The following NRDC variants were observed in gnomAD, a reference collection of about 807,000 sequenced individuals.
NRDC encodes nardilysin convertase.
Under a neutral mutation model 147.1 loss-of-function variants are expected in NRDC, and 54 were observed. The ratio of observed to expected loss-of-function variants is 0.37; its 90% CI spans 0.29 to 0.46. The LOEUF (loss-of-function observed/expected upper bound fraction) is 0.46. Ranked by LOEUF, NRDC falls within the 20% of genes least tolerant of loss-of-function variation. NRDC has a pLI of 1.00. For synonymous variants in NRDC, 440 were observed against 482.1 expected, an observed-to-expected ratio of 0.91 and a Z score of 1.14; for missense variants, 1,082 against 1,370.6, an observed-to-expected ratio of 0.79 and a Z score of 3.33.
intron 4 of NRDC, among the ~76,000 whole-genome samples, chr1:51,832,883 G>T (rs538673684): frequency 6.6e-6 from 1 of 152,100 alleles, no homozygotes; most frequent in Non-Finnish European, 1.5e-5. Flanking sequence ...CAACTCAACT[G>T]TCCAATCATA....
chr1:51,830,113 C>T (rs976134536), intron 4 of NRDC, among the ~76,000 whole-genome samples: 10 of 151,724 alleles, frequency 6.6e-5, no homozygotes, highest in Non-Finnish European at 1.5e-4. Flanking sequence ...TACAGGCACC[C>T]GCCACCGGAC....
chr1:51,874,004 C>T (rs994488755), intron 1 of NRDC, among the ~76,000 whole-genome samples: 1 of 146,808 alleles, frequency 6.8e-6, no homozygotes, highest in Non-Finnish European at 1.5e-5. Context: ...GCCTGGGCAA[C>T]TTGGTGAGAC....
intron 4 of NRDC, among the ~76,000 whole-genome samples, chr1:51,832,021 GAT>G (rs1222275536): frequency 6.6e-6 from 1 of 152,058 alleles, no homozygotes; most frequent in Non-Finnish European, 1.5e-5. Flanking sequence ...TAAGAAAAGA[GAT>G]AATTTCTTTT....
chr1:51,857,541 G>A (rs563811477), intron 1 of NRDC, among the ~76,000 whole-genome samples: 6 of 152,292 alleles, frequency 3.9e-5, no homozygotes, highest in South Asian at 4.1e-4. Context: ...TCAGACTCAC[G>A]ATGTCCATTG....
intron 1 of NRDC, among the ~76,000 whole-genome samples, chr1:51,857,681 A>G (rs534150296): frequency 1.3e-5 from 2 of 152,322 alleles, no homozygotes; most frequent in African/African-American, 4.8e-5. Context: ...CAGAAACTGG[A>G]CTGGATCCAT....
At chr1:51,817,184 G>A (rs1257202384) in intron 10 of NRDC, among the ~76,000 whole-genome samples, 1 of 152,146 alleles carries the variant, frequency 6.6e-6, no homozygotes, top group Non-Finnish European at 1.5e-5. Flanking sequence ...TTTCAACTAT[G>A]TTAGGCAATC....
At chr1:51,806,593 A>C (rs1471155088) in intron 18 of NRDC, among the ~76,000 whole-genome samples, 1 of 152,230 alleles carries the variant, frequency 6.6e-6, no homozygotes, top group Non-Finnish European at 1.5e-5. Context: ...AGTTACAGCA[A>C]AGTGGAGAAA....
chr1:51,831,230 C>A (rs1177614249), intron 4 of NRDC, among the ~76,000 whole-genome samples: 1 of 152,206 alleles, frequency 6.6e-6, no homozygotes, highest in Admixed American at 6.5e-5. Context: ...ACATTTTATA[C>A]CAAATTTCAT....
chr1:51,853,738 C>A (rs1422057853), intron 1 of NRDC, among the ~76,000 whole-genome samples: 1 of 152,186 alleles, frequency 6.6e-6, no homozygotes, highest in East Asian at 1.9e-4. Context: ...TGTATGGTTG[C>A]AAATCCCACA....
chr1:51,832,456 A>G (rs1680761685), intron 4 of NRDC, among the ~76,000 whole-genome samples: 1 of 152,200 alleles, frequency 6.6e-6, no homozygotes, highest in African/African-American at 2.4e-5. Context: ...GCATTAATTC[A>G]TTTAACAAAT....
At chr1:51,857,671 C>T (rs79110478) in intron 1 of NRDC, among the ~76,000 whole-genome samples, 176 of 152,268 alleles carry the variant, frequency 1.2e-3, no homozygotes, top group African/African-American at 4.2e-3. Context: ...GAAGTCACAA[C>T]AGAAACTGGA....
intron 1 of NRDC, among the ~76,000 whole-genome samples, chr1:51,855,203 C>T (rs1013109854): frequency 6.6e-6 from 1 of 152,116 alleles, no homozygotes; most frequent in Admixed American, 6.6e-5. Flanking sequence ...CAGAAATTTA[C>T]CACTGCCTTT....
Position 51,840,391 on chromosome 1 carries a change from ATCT to A in NRDC, c.462_464del (p.Glu154del), listed in dbSNP as rs35723519. On this transcript the variant is annotated inframe_deletion, in exon 2 of 31. Coordinates refer to ENST00000352171, the MANE Select transcript of NRDC (RefSeq NM_001101662.2). ...TTTCAGCTCCAGAATCTTCATCATC[ATCT>A]TCTTCTTCTTCCTCCACCTCCTCTT... The A allele has an allele frequency of 0.53, 819,184 of 1,534,630 alleles. 227,291 individuals carry two copies. Among genetic ancestry groups the A allele is most frequent in the East Asian group, 0.94 (41,797 of 44,366 alleles).
intron 1 of NRDC, among the ~76,000 whole-genome samples, chr1:51,876,841 A>C (rs1890947): frequency 0.011 from 1,742 of 152,354 alleles, 28 homozygotes; most frequent in African/African-American, 0.04. Context: ...CTTATAACAA[A>C]TTTAGAACTA....
intron 9 of NRDC, among the ~76,000 whole-genome samples, 180 bp downstream of exon 9, chr1:51,819,617 TGCA>T (rs1249790113): frequency 3.3e-5 from 5 of 152,236 alleles, no homozygotes; most frequent in Admixed American, 6.5e-5. Context: ...TCAATCGATC[TGCA>T]GCTAGTCAGT....
At chr1:51,853,639 G>A (rs1255388046) in intron 1 of NRDC, among the ~76,000 whole-genome samples, 1 of 152,218 alleles carries the variant, frequency 6.6e-6, no homozygotes, top group African/African-American at 2.4e-5. Flanking sequence ...AGCAATAGCT[G>A]TCTAGCAGAA....
intron 1 of NRDC, among the ~76,000 whole-genome samples, chr1:51,846,994 A>C (rs953832946): frequency 1.4e-5 from 2 of 144,590 alleles, no homozygotes; most frequent in African/African-American, 2.4e-5. Flanking sequence ...CAGAGTGCTG[A>C]TTGGTGCATT....
chr1:51,839,664 A>G (rs1169491830), intron 2 of NRDC, among the ~76,000 whole-genome samples: 1 of 152,042 alleles, frequency 6.6e-6, no homozygotes, highest in Non-Finnish European at 1.5e-5. Flanking sequence ...TTCTATTTCA[A>G]CTCTTCCAAA....
intron 5 of NRDC, among the ~76,000 whole-genome samples, chr1:51,826,417 T>TA (rs1387619470): frequency 6.6e-6 from 1 of 152,072 alleles, no homozygotes; most frequent in Non-Finnish European, 1.5e-5. Flanking sequence ...TCTGAACACT[T>TA]AGAGACCATA....
Sources: gnomAD v4.1 joint callset for allele counts (sites outside exome capture counted in the v4.1 genomes callset) on GRCh38, gnomAD v4.1.1 for gene constraint, MANE v1.5 for transcripts, NCBI Gene and HGNC (gene_info 2026-07-23, HGNC 2026-07-21) for gene names.